Variants in ZNF93 observed in about 807,000 individuals in gnomAD.
ZNF93 encodes zinc finger protein 93.
In ZNF93, 29 loss-of-function variants were observed where a neutral mutation model predicts 45.0. That is an observed-to-expected ratio of 0.64 (90% confidence interval 0.48 to 0.88). ZNF93 has a LOEUF of 0.88. Ranked by LOEUF, ZNF93 falls within the 40% of genes least tolerant of loss-of-function variation. The pLI is 0.00. For synonymous variants in ZNF93, 223 were observed against 244.6 expected, an observed-to-expected ratio of 0.91 and a Z score of 0.82; for missense variants, 578 against 724.0, an observed-to-expected ratio of 0.80 and a Z score of 2.31.
At chr19:19,915,477 T>C in intron 2 of ZNF93, 71 bp downstream of exon 2, 1 of 1,532,306 alleles carries the variant, frequency 6.5e-7, no homozygotes, top group Non-Finnish European at 8.8e-7. Context: ...GTAGAATGTT[T>C]TTTAGTAATT....
Position 19,934,803 on chromosome 19 carries a change from T to C in ZNF93, c.1848T>C (p.Thr616=), listed in dbSNP as rs1409407429. ...SSLSRHEIIH[T]GEKP is the part of the protein sequence containing the mutation. Reference sequence around the variant, plus strand: ...TTAGTAGACATGAGATAATTCATACTGGGGAGAAACCCTAGAAGTGTGAAG... The same window carrying C: ...TTAGTAGACATGAGATAATTCATACCGGGGAGAAACCCTAGAAGTGTGAAG... Residue 616 remains threonine (T), a synonymous_variant, in exon 4 of 4, where the codon ACT becomes ACC. Transcript: ENST00000343769. 6.3e-7 allele frequency: 1 copy of C among 1,593,770 alleles called. No individual in the cohort carries two copies. Among genetic ancestry groups the C allele is most frequent in the Non-Finnish European group, 8.5e-7 (1 of 1,172,612 alleles).
intron 3 of ZNF93, among the ~76,000 whole-genome samples, chr19:19,927,771 C>T (rs1599572748): frequency 6.6e-6 from 1 of 152,112 alleles, no homozygotes; most frequent in African/African-American, 2.4e-5. Context: ...TTACAATAAA[C>T]ATGGATTTGC....
At chr19:19,929,937 CAAAAAAAAAAA>C (rs71172547) in intron 3 of ZNF93, among the ~76,000 whole-genome samples, 10 of 57,686 alleles carry the variant, frequency 1.7e-4, no homozygotes, top group South Asian at 2.1e-3. Flanking sequence ...GACTCCGTCT[CAAAAAAAAAAA>C]AAAAAAAAAA....
At chr19:19,919,295 C>A (rs1382808322) in intron 3 of ZNF93, among the ~76,000 whole-genome samples, 1 of 152,122 alleles carries the variant, frequency 6.6e-6, no homozygotes, top group Non-Finnish European at 1.5e-5. Context: ...GGGCTCTGTT[C>A]TGTTCCATTG....
At chr19:19,909,451 A>G (rs903320809) in intron 1 of ZNF93, 2 of 152,234 alleles carry the variant, frequency 1.3e-5, no homozygotes, top group African/African-American at 4.8e-5. Context: ...TGAAAAGTTT[A>G]TTTGTCATTG....
chr19:19,907,011 A>T (rs931559616), intron 1 of ZNF93, among the ~76,000 whole-genome samples: 3 of 150,076 alleles, frequency 2.0e-5, no homozygotes, highest in Non-Finnish European at 3.0e-5. Flanking sequence ...TCCCAAAAAA[A>T]TTTTGCTATT....
chr19:19,929,906 C>G (rs1408265899), intron 3 of ZNF93, among the ~76,000 whole-genome samples: 1 of 131,838 alleles, frequency 7.6e-6, no homozygotes, highest in Admixed American at 8.7e-5. Flanking sequence ...CCACTGCACT[C>G]CAGCCTGGGC....
chr19:19,922,998 G>A (rs1293384226), intron 3 of ZNF93, among the ~76,000 whole-genome samples: 1 of 152,152 alleles, frequency 6.6e-6, no homozygotes, highest in African/African-American at 2.4e-5. Context: ...TCCTTTGGAG[G>A]GGGAGAGGCA....
chr19:19,905,525 AT>A (rs1329837662), intron 1 of ZNF93, among the ~76,000 whole-genome samples: 4 of 152,138 alleles, frequency 2.6e-5, no homozygotes, highest in Non-Finnish European at 5.9e-5. Flanking sequence ...CATCAAAGTT[AT>A]TGCAAAGAAC....
rs1348271884 is a variant in ZNF93 at position 19,934,825 on chromosome 19, G to A, written c.*7G>A. 10 of 1,588,674 alleles carry A rather than the reference G, an allele frequency of 6.3e-6. No homozygotes were observed. The highest frequency in any genetic ancestry group is 1.7e-4 in the Middle Eastern group (1 of 5,906). On this transcript the variant is annotated 3_prime_UTR_variant, in exon 4 of 4. Transcript: ENST00000343769. ...TACTGGGGAGAAACCCTAGAAGTGT[G>A]AAGAATGTGGCAAAGCCTTCAAGTG... is the stretch of plus-strand genomic sequence containing the variant.
rs914276196 is a variant in ZNF93 at position 19,933,312 on chromosome 19, T to A, written c.357T>A (p.Ser119Arg). 1 of 1,612,792 alleles carries A rather than the reference T, an allele frequency of 6.2e-7. No homozygotes were observed. Among genetic ancestry groups the A allele is most frequent in the Admixed American group, 1.7e-5 (1 of 59,916 alleles). ...TACAGTTAATAAAAAGGTGTGAAAGTGTAGATGAGTGTAAGGTGCACACAG... is the reference window on the plus strand; with the variant it reads ...TACAGTTAATAAAAAGGTGTGAAAGAGTAGATGAGTGTAAGGTGCACACAG... ...GNLQLIKRCE[S>R]VDECKVHTGG... is the part of the protein sequence containing the mutation. The change falls in exon 4 of 4, where the codon AGT (serine) becomes AGA (arginine). Residue 119 changes from serine to arginine, a missense_variant. Ser to Arg is a moderately radical substitution (Grantham distance 110). Transcript: ENST00000343769.
chr19:19,927,381 A>C, intron 3 of ZNF93: 1 of 393,726 alleles, frequency 2.5e-6, no homozygotes. Flanking sequence ...CATTTCAGGC[A>C]TGTTAAGTAT....
chr19:19,906,757 T>C (rs901681384), intron 1 of ZNF93, among the ~76,000 whole-genome samples: 13 of 152,074 alleles, frequency 8.5e-5, no homozygotes, highest in Non-Finnish European at 1.9e-4. Context: ...GCTAGGTAGT[T>C]ATTTGAGCAC....
At chr19:19,910,524 T>C (rs1035855116) in intron 1 of ZNF93, among the ~76,000 whole-genome samples, 4 of 152,214 alleles carry the variant, frequency 2.6e-5, no homozygotes, top group African/African-American at 9.7e-5. Context: ...TTGTTGTCTT[T>C]ACAAATTGTC....
At chr19:19,909,452 T>C (rs1413174083) in intron 1 of ZNF93, 1 of 152,272 alleles carries the variant, frequency 6.6e-6, no homozygotes, top group African/African-American at 2.4e-5. Context: ...GAAAAGTTTA[T>C]TTGTCATTGA....
At chr19:19,933,111 A>T (rs1568514050) in intron 3 of ZNF93, 71 bp from the exon 4 acceptor site, 1 of 1,168,168 alleles carries the variant, frequency 8.6e-7, no homozygotes, top group Admixed American at 2.9e-5. Flanking sequence ...ATAATTTTAT[A>T]GGTTAGATTT....
chr19:19,903,263 G>A (rs1160535932), intron 1 of ZNF93, among the ~76,000 whole-genome samples: 3 of 152,078 alleles, frequency 2.0e-5, no homozygotes, highest in Non-Finnish European at 2.9e-5. Flanking sequence ...AGGTGGGAGG[G>A]GAATGGCAAA....
chr19:19,904,074 AAAG>A (rs1273835578), intron 1 of ZNF93, among the ~76,000 whole-genome samples: 3 of 151,736 alleles, frequency 2.0e-5, no homozygotes, highest in Non-Finnish European at 4.4e-5. Context: ...AAAAAAAAAA[AAAG>A]AAATATTTTA....
Position 19,915,373 on chromosome 19 carries a change from A to G in ZNF93, c.97A>G (p.Met33Val). The change falls in exon 2 of 4, where the codon ATG becomes GTG. Residue 33 changes from methionine to valine, a missense_variant. Coordinates refer to ENST00000343769, the MANE Select transcript of ZNF93 (RefSeq NM_031218.4). ...TAQRNLYRNVMLENYSNLVFL... is the reference protein window; with the variant it reads ...TAQRNLYRNVVLENYSNLVFL... The stretch of plus-strand genomic sequence containing the variant: ...ACAGCGGAATCTATATAGGAATGTG[A>G]TGTTAGAGAACTACAGTAACCTGGT... 6.2e-7 allele frequency: 1 copy of G among 1,614,032 alleles called. No homozygotes were observed. The highest frequency in any genetic ancestry group is 8.5e-7 in the Non-Finnish European group (1 of 1,179,956).
Sources: gnomAD v4.1 joint callset for allele counts (sites outside exome capture counted in the v4.1 genomes callset) on GRCh38, gnomAD v4.1.1 for gene constraint, MANE v1.5 for transcripts, NCBI Gene and HGNC (gene_info 2026-07-23, HGNC 2026-07-21) for gene names.